Variants in FLVCR2 observed in about 807,000 individuals in gnomAD.
The protein encoded by FLVCR2 is FLVCR choline and putative heme transporter 2.
Under a neutral mutation model 48.9 loss-of-function variants are expected in FLVCR2, and 38 were observed. That is an observed-to-expected ratio of 0.78 (90% confidence interval 0.60 to 1.02). The LOEUF (loss-of-function observed/expected upper bound fraction) is 1.02. Among genes scored for constraint, FLVCR2 ranks in the 50% least tolerant of loss-of-function variants. FLVCR2 has a pLI of 0.00. For synonymous variants in FLVCR2, 255 were observed against 257.0 expected (o/e 0.99, Z 0.07); for missense variants, 664 against 663.3 (o/e 1.00, Z -0.01).
Position 75,578,908 on chromosome 14 carries a change from C to G in FLVCR2, c.-65C>G, listed in dbSNP as rs771050688. ...TTCAACTCTAAGAGACCAGCAGAGG[C>G]CACTGTCCCTTAAGACTGCCGGAGT... On this transcript the variant is annotated 5_prime_UTR_variant, in exon 1 of 10. Transcript: ENST00000238667. The G allele has an allele frequency of 6.9e-7, 1 of 1,443,990 alleles. No homozygotes were observed. Among genetic ancestry groups the G allele is most frequent in the Non-Finnish European group, 9.7e-7 (1 of 1,026,170 alleles). The allele number at this position is 1,443,990 out of a possible 1,614,324, so 89.4% of individuals were successfully genotyped here.
intron 1 of FLVCR2, among the ~76,000 whole-genome samples, chr14:75,612,672 G>A (rs376307718): frequency 4.7e-4 from 72 of 152,282 alleles, no homozygotes; most frequent in African/African-American, 1.7e-3. Context: ...CTGGGTGCTC[G>A]GGGCTCATTC....
rs574985343 is a variant in FLVCR2, at chr14:75,619,609, T to C, written c.670-2470T>C. 3.0e-4 allele frequency among the ~76,000 whole-genome samples: 46 copies of C among 152,328 alleles called. No individual in the cohort carries two copies. In the South Asian group the frequency reaches 8.7e-3, roughly 29 times the overall value. On this transcript the variant is annotated intron_variant, in intron 1 of 9. Transcript: ENST00000238667. ...TAAGAAGCAGGAAAAAAATATGTAT[T>C]GAAAAAACAAAAGAGGAAGCAGCTT... is the stretch of plus-strand genomic sequence containing the variant.
intron 1 of FLVCR2, among the ~76,000 whole-genome samples, chr14:75,607,322 A>C (rs1464173471): frequency 6.6e-6 from 1 of 152,228 alleles, no homozygotes; most frequent in Non-Finnish European, 1.5e-5. Context: ...GTTCTACAAC[A>C]TGCTAGTGTT....
At chr14:75,618,402 T>A (rs1889670171) in intron 1 of FLVCR2, among the ~76,000 whole-genome samples, 1 of 152,302 alleles carries the variant, frequency 6.6e-6, no homozygotes, top group Non-Finnish European at 1.5e-5. Flanking sequence ...TGGGTAAAAA[T>A]GAAGAGAGCC....
chr14:75,622,827 A>T lies in FLVCR2; in HGVS notation c.811+607A>T, dbSNP rs150555316. 7.0e-4 allele frequency among the ~76,000 whole-genome samples: 106 copies of T among 152,234 alleles called. 1 individual carries two copies. Among genetic ancestry groups the T allele is most frequent in the African/African-American group, 2.4e-3 (101 of 41,530 alleles). ...GGATCATAGTTCTTTAATGCCTTTT[A>T]AAAAAATTATAAGAGTAACATATGC... On this transcript the variant is annotated intron_variant, in intron 2 of 9. Transcript: ENST00000238667.
chr14:75,589,196 A>G (rs1398091830), intron 1 of FLVCR2, among the ~76,000 whole-genome samples: 1 of 152,162 alleles, frequency 6.6e-6, no homozygotes, highest in Non-Finnish European at 1.5e-5. Context: ...AGCCTTGGTG[A>G]CAGAGAGAGA....
chr14:75,635,539 A>C lies in FLVCR2; in HGVS notation c.1124+526A>C, dbSNP rs115401938. ...TAACTTACTTTGGACCTGAATGCCC[A>C]GTGCATTTCTAAGAGCCTGGAGCTA... On this transcript the variant is annotated intron_variant, in intron 5 of 9. Transcript: ENST00000238667. Among the ~76,000 whole-genome samples, 781 of 152,320 alleles carry C rather than the reference A, an allele frequency of 5.1e-3. 5 individuals are homozygous for C. The highest frequency in any genetic ancestry group is 0.018 in the African/African-American group (746 of 41,570).
At chr14:75,585,461 A>C (rs1366214096) in intron 1 of FLVCR2, among the ~76,000 whole-genome samples, 1 of 152,146 alleles carries the variant, frequency 6.6e-6, no homozygotes, top group Non-Finnish European at 1.5e-5. Flanking sequence ...AGTTCTTGAG[A>C]ACACAGGCTA....
chr14:75,604,292 T>G (rs1276876325), intron 1 of FLVCR2: 1 of 152,252 alleles, frequency 6.6e-6, no homozygotes, highest in Non-Finnish European at 1.5e-5. Flanking sequence ...TGTGTACCCT[T>G]TGACAAGTCT....
At chr14:75,632,676 C>G (rs1042775869) in intron 3 of FLVCR2, 1 of 702,376 alleles carries the variant, frequency 1.4e-6, no homozygotes, top group Non-Finnish European at 2.6e-6. Flanking sequence ...TCCTGACTTA[C>G]ACCCTTCCAA....
chr14:75,627,742 T>G (rs1322521189), intron 3 of FLVCR2, among the ~76,000 whole-genome samples: 1 of 152,222 alleles, frequency 6.6e-6, no homozygotes, highest in Admixed American at 6.5e-5. Context: ...TGCTTAACAT[T>G]GTAGCTGCCT....
At chr14:75,590,911 T>C (rs541981555) in intron 1 of FLVCR2, among the ~76,000 whole-genome samples, 1 of 152,364 alleles carries the variant, frequency 6.6e-6, no homozygotes, top group East Asian at 1.9e-4. Flanking sequence ...ATAATACACT[T>C]GTTTCAGCAT....
intron 1 of FLVCR2, among the ~76,000 whole-genome samples, chr14:75,598,799 A>G (rs966159666): frequency 6.6e-5 from 10 of 152,250 alleles, no homozygotes; most frequent in African/African-American, 2.4e-4. Context: ...TTGCCTTGCC[A>G]GGCATTGTTA....
At chr14:75,635,949 A>C (rs1890158399) in intron 5 of FLVCR2, among the ~76,000 whole-genome samples, 1 of 152,236 alleles carries the variant, frequency 6.6e-6, no homozygotes, top group Non-Finnish European at 1.5e-5. Context: ...TGGATGCCAA[A>C]TCAGCAGAAG....
intron 1 of FLVCR2, among the ~76,000 whole-genome samples, chr14:75,608,240 G>A (rs969132533): frequency 6.6e-6 from 1 of 152,280 alleles, no homozygotes; most frequent in African/African-American, 2.4e-5. Context: ...CATCCTTACC[G>A]TAGGAGACTC....
In FLVCR2 at chr14:75,578,682, C is replaced by A; in HGVS notation, c.-291C>A. ...AACTTTTCCTGCACAAGGAACGCCT[C>A]GTGGGGAGACCCAAGGCAGGAGCGG... On this transcript the variant is annotated 5_prime_UTR_variant, in exon 1 of 10. Coordinates refer to ENST00000238667, the MANE Select transcript of FLVCR2 (RefSeq NM_017791.3). 1.9e-6 allele frequency: 1 copy of A among 528,400 alleles called. No individual in the cohort carries two copies. The highest frequency in any genetic ancestry group is 3.4e-6 in the Non-Finnish European group (1 of 293,880). The allele number at this position is 528,400 out of a possible 1,614,324, so 32.7% of individuals were successfully genotyped here.
chr14:75,618,050 A>C (rs1286029811), intron 1 of FLVCR2, among the ~76,000 whole-genome samples: 1 of 152,220 alleles, frequency 6.6e-6, no homozygotes, highest in African/African-American at 2.4e-5. Context: ...GGGTCAGACC[A>C]TTAGACAGAG....
At position 75,586,449 on chromosome 14, in the gene FLVCR2, G is replaced by C. The variant is rs116632260; in HGVS notation, c.669+6808G>C. On this transcript the variant is annotated intron_variant, in intron 1 of 9. Coordinates refer to ENST00000238667, the MANE Select transcript of FLVCR2 (RefSeq NM_017791.3). ...CTTCAGGCGATCTGGATGTATACGT[G>C]CAAGTCAGAGGGGATATGATGGCTT... Among the ~76,000 whole-genome samples the C allele has an allele frequency of 8.3e-3, 1,271 of 152,308 alleles. 17 individuals carry two copies. The highest frequency in any genetic ancestry group is 0.029 in the African/African-American group (1,222 of 41,540).
intron 9 of FLVCR2, among the ~76,000 whole-genome samples, chr14:75,644,989 T>C (rs980088752): frequency 6.6e-6 from 1 of 152,042 alleles, no homozygotes; most frequent in Non-Finnish European, 1.5e-5. Flanking sequence ...GTTTCCCATT[T>C]GTGATTGTGA....
Sources: allele counts gnomAD v4.1 joint callset (sites outside exome capture counted in the v4.1 genomes callset), GRCh38; gene constraint gnomAD v4.1.1; transcripts MANE v1.5; gene names NCBI Gene and HGNC (gene_info 2026-07-23, HGNC 2026-07-21).